The following COX10 variants were observed in gnomAD, a reference collection of about 807,000 sequenced individuals.
The protein encoded by COX10 is cytochrome c oxidase assembly factor heme A:farnesyltransferase COX10.
Under a neutral mutation model 37.3 loss-of-function variants are expected in COX10, and 27 were observed. The ratio of observed to expected loss-of-function variants is 0.72; its 90% confidence interval spans 0.53 to 1.00. The LOEUF is 1.00. Among genes scored for constraint, COX10 ranks in the 50% least tolerant of loss-of-function variants. The probability of loss-of-function intolerance (pLI) is 0.00; values close to 1 mark genes in which losing one functional copy is unlikely to be tolerated. For synonymous variants in COX10, 222 were observed against 229.1 expected (o/e 0.97, Z 0.28); for missense variants, 475 against 563.2 (o/e 0.84, Z 1.59).
At chr17:14,116,107 T>C (rs1224463277) in intron 4 of COX10, among the ~76,000 whole-genome samples, 2 of 152,190 alleles carry the variant, frequency 1.3e-5, no homozygotes, top group Admixed American at 6.5e-5. Context: ...GCAGTTTTTT[T>C]TCATATAATA....
chr17:14,193,730 G>A (rs1223883489), intron 6 of COX10, among the ~76,000 whole-genome samples: 2 of 148,720 alleles, frequency 1.3e-5, no homozygotes, highest in African/African-American at 4.9e-5. Context: ...TCCTGCTCCC[G>A]GTCACGTTCC....
intron 4 of COX10, among the ~76,000 whole-genome samples, chr17:14,153,736 A>G (rs1387969298): frequency 2.0e-5 from 3 of 152,224 alleles, no homozygotes; most frequent in Non-Finnish European, 2.9e-5. Context: ...TATATGATAT[A>G]TGTGTGTTTA....
chr17:14,176,955 T>G (rs1340058118), intron 5 of COX10, among the ~76,000 whole-genome samples: 2 of 151,920 alleles, frequency 1.3e-5, no homozygotes, highest in Non-Finnish European at 2.9e-5. Context: ...CATAGAAATT[T>G]TCTATAATTT....
chr17:14,165,909 C>T (rs548843324), intron 5 of COX10, among the ~76,000 whole-genome samples: 6 of 152,326 alleles, frequency 3.9e-5, no homozygotes, highest in Non-Finnish European at 7.3e-5. Context: ...TTGCCTCACA[C>T]GAAAGCCTAA....
intron 6 of COX10, among the ~76,000 whole-genome samples, chr17:14,198,355 C>G (rs570366637): frequency 2.6e-5 from 4 of 152,216 alleles, no homozygotes; most frequent in East Asian, 1.9e-4. Context: ...TCTGCTCCCC[C>G]TCCTTCTTGC....
chr17:14,169,215 C>A (rs1343138645), intron 5 of COX10, among the ~76,000 whole-genome samples: 3 of 152,244 alleles, frequency 2.0e-5, no homozygotes, highest in Non-Finnish European at 4.4e-5. Flanking sequence ...CATAATGTCT[C>A]TTTGCTAAAG....
chr17:14,093,874 G>T (rs1273823414), intron 3 of COX10, among the ~76,000 whole-genome samples: 1 of 152,188 alleles, frequency 6.6e-6, no homozygotes, highest in Non-Finnish European at 1.5e-5. Flanking sequence ...TTCTGAAAAT[G>T]AGTCTTTGTA....
chr17:14,197,816 G>A (rs1436444788), intron 6 of COX10, among the ~76,000 whole-genome samples: 5 of 152,220 alleles, frequency 3.3e-5, no homozygotes, highest in Non-Finnish European at 4.4e-5. Context: ...TTCTGTCAGG[G>A]TAGTCAGGAC....
chr17:14,194,377 T>A (rs375936435), intron 6 of COX10, among the ~76,000 whole-genome samples: 2 of 152,340 alleles, frequency 1.3e-5, no homozygotes, highest in East Asian at 1.9e-4. Context: ...GAGCCCTTAT[T>A]TGTTTAAGGA....
chr17:14,077,056 G>A lies in COX10; in HGVS notation c.499G>A (p.Ala167Thr). ...TCGACTATCCAAAATCAAACTCACAGGTACTTTGTTTTTCTGATATACTTA... is the reference window on the plus strand; with the variant it reads ...TCGACTATCCAAAATCAAACTCACAAGTACTTTGTTTTTCTGATATACTTA... ...LARLSKIKLT[A>T]LVVSTTAAGF... is the part of the protein sequence containing the mutation. Residue 167 changes from alanine (A) to threonine (T), a missense_variant and splice_region_variant, in exon 3 of 7, where the codon GCT becomes ACT. This residue lies in a region of COX10 where 242 missense variants were observed against 242.5 expected (regional missense o/e 1.00). Coordinates refer to ENST00000261643, the MANE Select transcript of COX10 (RefSeq NM_001303.4). The A allele has an allele frequency of 1.2e-6, 2 of 1,613,782 alleles. No homozygotes were observed. Among genetic ancestry groups the A allele is most frequent in the Non-Finnish European group, 1.7e-6 (2 of 1,179,872 alleles).
chr17:14,121,485 G>A (rs1916227891), intron 4 of COX10, among the ~76,000 whole-genome samples: 1 of 152,148 alleles, frequency 6.6e-6, no homozygotes. Context: ...CCTGATGGCT[G>A]TATACCACGA....
At chr17:14,086,360 T>C (rs976978069) in intron 3 of COX10, among the ~76,000 whole-genome samples, 1 of 152,082 alleles carries the variant, frequency 6.6e-6, no homozygotes, top group Non-Finnish European at 1.5e-5. Context: ...GATAGAGATA[T>C]TGCCAGTTTT....
At chr17:14,119,647 T>C (rs896133125) in intron 4 of COX10, among the ~76,000 whole-genome samples, 1 of 152,158 alleles carries the variant, frequency 6.6e-6, no homozygotes, top group African/African-American at 2.4e-5. Context: ...GTAGGAGTTT[T>C]CTAGGCAATA....
intron 1 of COX10, 106 bp downstream of exon 1, chr17:14,069,754 G>A: frequency 2.1e-6 from 3 of 1,399,492 alleles, no homozygotes; most frequent in Non-Finnish European, 3.0e-6. Context: ...CCTTGGCGAG[G>A]TTGGCCGGCC....
intron 6 of COX10, among the ~76,000 whole-genome samples, 181 bp downstream of exon 6, chr17:14,192,402 G>T (rs1310396386): frequency 6.6e-6 from 1 of 152,166 alleles, no homozygotes; most frequent in African/African-American, 2.4e-5. Context: ...TGTCATCCTG[G>T]CTGGTGGGTG....
chr17:14,191,137 T>G (rs1413015011), intron 5 of COX10, among the ~76,000 whole-genome samples: 1 of 152,064 alleles, frequency 6.6e-6, no homozygotes, highest in South Asian at 2.1e-4. Flanking sequence ...AAGCAGGAAC[T>G]AGTAGATCCA....
rs190934624 is a variant in COX10 at position 14,121,465 on chromosome 17, G to A, written c.624+19223G>A. On this transcript the variant is annotated intron_variant, in intron 4 of 6. Transcript: ENST00000261643. Reference sequence around the variant, plus strand: ...AATGAAAATATCATGAGTTCTAACAGTTGCAGTTTCCTGATGGCTGTATAC... The same window carrying A: ...AATGAAAATATCATGAGTTCTAACAATTGCAGTTTCCTGATGGCTGTATAC... Among the ~76,000 whole-genome samples the A allele has an allele frequency of 2.0e-5, 3 of 152,286 alleles. No homozygotes were observed. In the East Asian group the frequency reaches 5.8e-4, roughly 29 times the overall value.
In COX10 at chr17:14,073,592, G is replaced by A. The variant is rs372250366; in HGVS notation, c.44-731G>A. 3.3e-5 allele frequency among the ~76,000 whole-genome samples: 5 copies of A among 152,260 alleles called. No homozygotes were observed. The South Asian group carries it at 1.0e-3, about 32-fold the overall frequency. ...ACAATATTTAATGTTCAGAAAGAGGGAACATGGATACCTTAAGGTGGCATA... is the reference window on the plus strand; with the variant it reads ...ACAATATTTAATGTTCAGAAAGAGGAAACATGGATACCTTAAGGTGGCATA... On this transcript the variant is annotated intron_variant, in intron 1 of 6. Coordinates refer to ENST00000261643, the MANE Select transcript of COX10 (RefSeq NM_001303.4).
chr17:14,104,194 C>T (rs1001877149), intron 4 of COX10, among the ~76,000 whole-genome samples: 7 of 152,004 alleles, frequency 4.6e-5, no homozygotes, highest in South Asian at 2.1e-4. Flanking sequence ...GCTGTGATTT[C>T]GTTTGGAAGC....
Sources: allele counts gnomAD v4.1 joint callset (sites outside exome capture counted in the v4.1 genomes callset), GRCh38; gene constraint gnomAD v4.1.1; regional missense constraint gnomAD v4.1.1; transcripts MANE v1.5; gene names NCBI Gene and HGNC (gene_info 2026-07-23, HGNC 2026-07-21).